Variants in POU2F2 observed in about 807,000 individuals in gnomAD.
POU2F2 encodes the protein POU domain, class 2, transcription factor 2.
Under a neutral mutation model 63.5 loss-of-function variants are expected in POU2F2, and 14 were observed. That is an observed-to-expected ratio of 0.22 (90% CI 0.15 to 0.34). The LOEUF (loss-of-function observed/expected upper bound fraction) is 0.34. Among genes scored for constraint, POU2F2 ranks in the 10% least tolerant of loss-of-function variants. POU2F2 has a pLI of 1.00. For synonymous variants in POU2F2, 306 were observed against 348.6 expected (o/e 0.88, Z 1.36); for missense variants, 607 against 815.2 (o/e 0.74, Z 3.11).
Position 42,153,696 on chromosome 19 carries a change from T to C in POU2F2, c.-9+6636A>G, listed in dbSNP as rs566665870. On this transcript the variant is annotated intron_variant, in intron 2 of 6. Coordinates refer to the POU2F2 transcript ENST00000524801. The surrounding 1 kb of genome is among the most constrained non-coding windows in gnomAD (Gnocchi z 5.6). The stretch of plus-strand genomic sequence containing the variant: ...GATGCTGTGTGTCCCTGTGTGCCGA[T>C]GGTCGAGTGTGTTTCCACAAGTGGG... Among the ~76,000 whole-genome samples the C allele has an allele frequency of 1.2e-4, 19 of 152,172 alleles. No homozygotes were observed. Among genetic ancestry groups the C allele is most frequent in the South Asian group, 1.2e-3 (6 of 4,818 alleles).
intron 5 of POU2F2, among the ~76,000 whole-genome samples, chr19:42,105,998 TTTTTC>T (rs1568998661): frequency 7.3e-6 from 1 of 137,920 alleles, no homozygotes; most frequent in East Asian, 2.1e-4. Context: ...GGATCTTTCT[TTTTTC>T]TTTCTTTCTT....
At chr19:42,186,267 G>A (rs887479460) in intron 1 of POU2F2, among the ~76,000 whole-genome samples, 1 of 152,154 alleles carries the variant, frequency 6.6e-6, no homozygotes, top group Non-Finnish European at 1.5e-5. Flanking sequence ...AGAGCTTGCA[G>A]TGAGCCGAGA....
At chr19:42,159,174 C>T (rs2034509548) in intron 2 of POU2F2, among the ~76,000 whole-genome samples, 1 of 152,180 alleles carries the variant, frequency 6.6e-6, no homozygotes, top group Non-Finnish European at 1.5e-5. Context: ...TAGTTGCCAA[C>T]ATTTAAAGAT....
chr19:42,158,442 G>C (rs556273795), intron 2 of POU2F2, among the ~76,000 whole-genome samples: 1 of 152,234 alleles, frequency 6.6e-6, no homozygotes, highest in Non-Finnish European at 1.5e-5. Context: ...GGCAAACCCA[G>C]GTTCAAATTC....
chr19:42,180,783 G>A (rs1053279115), upstream of POU2F2, among the ~76,000 whole-genome samples: 22 of 152,180 alleles, frequency 1.4e-4, no homozygotes, highest in South Asian at 1.0e-3. Context: ...CTGGAGTGCC[G>A]CAGCGTGATC....
chr19:42,102,794 T>C (rs2077194169), intron 5 of POU2F2, among the ~76,000 whole-genome samples: 1 of 151,988 alleles, frequency 6.6e-6, no homozygotes, highest in African/African-American at 2.4e-5. Flanking sequence ...TGGTGAAGAG[T>C]ATGTGGGGTT....
At chr19:42,109,158 G>C (rs1369919448) in intron 5 of POU2F2, among the ~76,000 whole-genome samples, 1 of 152,218 alleles carries the variant, frequency 6.6e-6, no homozygotes, top group African/African-American at 2.4e-5. Context: ...CCATGACAGT[G>C]AACTTGAGGA....
chr19:42,187,634 C>T (rs559789665), intron 1 of POU2F2, among the ~76,000 whole-genome samples: 12 of 151,240 alleles, frequency 7.9e-5, no homozygotes, highest in Admixed American at 7.9e-4. Context: ...TGGTGGTGGG[C>T]GCCTGTAATC....
intron 2 of POU2F2, among the ~76,000 whole-genome samples, chr19:42,158,098 T>G (rs2034490399): frequency 6.6e-6 from 1 of 152,214 alleles, no homozygotes; most frequent in Non-Finnish European, 1.5e-5. Flanking sequence ...ACTATACACC[T>G]AAAAGAGTAT....
intron 1 of POU2F2, among the ~76,000 whole-genome samples, chr19:42,161,487 T>C (rs1186850159): frequency 1.3e-5 from 2 of 151,582 alleles, no homozygotes; most frequent in Non-Finnish European, 2.9e-5. Flanking sequence ...GCTGAGCCTC[T>C]CCACAGCCCT....
chr19:42,166,375 T>C (rs17270057), intron 1 of POU2F2, among the ~76,000 whole-genome samples: 14,938 of 152,250 alleles, frequency 0.098, 881 homozygotes, highest in Middle Eastern at 0.2. Flanking sequence ...CAAAGCACCT[T>C]GCACAATGCC....
intron 2 of POU2F2, chr19:42,157,282 C>T (rs1009559558): frequency 2.0e-5 from 3 of 152,436 alleles, no homozygotes; most frequent in South Asian, 2.1e-4. Flanking sequence ...CTCCTTACCC[C>T]CAAAGACTTC....
chr19:42,086,253 CACTA>C lies in POU2F2; in HGVS notation c.*5000_*5003del, dbSNP rs1472977537. On this transcript the variant is annotated 3_prime_UTR_variant, in exon 15 of 15. Coordinates refer to ENST00000692977, the MANE Select transcript of POU2F2 (RefSeq NM_001394376.1). ...CAGATTGGAGTTAAGAACACTGAAA[CACTA>C]ACCCGCTACCACGAGAAGAGACGGA... 13 of 152,022 alleles carry C rather than the reference CACTA, an allele frequency of 8.6e-5. No individual in the cohort carries two copies. Among genetic ancestry groups the C allele is most frequent in the Admixed American group, 5.2e-4 (8 of 15,266 alleles). 9.4% of individuals were successfully genotyped at this position (152,022 alleles called of 1,614,324 possible). A position where few individuals can be genotyped will look rare whatever the true frequency, so the allele number is the denominator to read the frequency against.
chr19:42,123,679 C>G (rs577676595), intron 1 of POU2F2, among the ~76,000 whole-genome samples: 2 of 152,142 alleles, frequency 1.3e-5, no homozygotes, highest in Non-Finnish European at 2.9e-5. Flanking sequence ...AGTCTAATGT[C>G]CCCTAGTCCT....
At chr19:42,168,980 C>G (rs1431265779) in intron 1 of POU2F2, among the ~76,000 whole-genome samples, 1 of 152,222 alleles carries the variant, frequency 6.6e-6, no homozygotes, top group Non-Finnish European at 1.5e-5. Context: ...GTCCTGTTGG[C>G]TTGGAGCTCT....
chr19:42,134,103 C>T (rs999719353), upstream of POU2F2, among the ~76,000 whole-genome samples: 1 of 152,052 alleles, frequency 6.6e-6, no homozygotes, highest in South Asian at 2.1e-4. Flanking sequence ...CCGACAGCAG[C>T]CTGGTAGCAG....
intron 1 of POU2F2, among the ~76,000 whole-genome samples, chr19:42,165,208 A>G (rs1943192103): frequency 6.6e-6 from 1 of 152,166 alleles, no homozygotes; most frequent in African/African-American, 2.4e-5. Context: ...CCTTATGTCC[A>G]AACCCAGCAG....
At chr19:42,195,087 A>AAGGAAGGAAGGG (rs1459474389) in intron 1 of POU2F2, among the ~76,000 whole-genome samples, 237 of 8,700 alleles carry the variant, frequency 0.027, no homozygotes, top group Middle Eastern at 0.1. Flanking sequence ...GGGAGGGAGG[A>AAGGAAGGAAGGG]AGGGAGGAAG....
At chr19:42,170,636 C>T (rs2034744404) in intron 1 of POU2F2, among the ~76,000 whole-genome samples, 1 of 152,130 alleles carries the variant, frequency 6.6e-6, no homozygotes. Context: ...CACCAGGAGT[C>T]CCAAAGATAC....
Sources: allele counts gnomAD v4.1 joint callset (sites outside exome capture counted in the v4.1 genomes callset), GRCh38; gene constraint gnomAD v4.1.1; non-coding constraint Gnocchi (gnomAD v3.1); transcripts MANE v1.5; gene names NCBI Gene and HGNC (gene_info 2026-07-23, HGNC 2026-07-21).